FLVCR2: variants seen among roughly 807,000 people sequenced by gnomAD.
The protein encoded by FLVCR2 is FLVCR choline and putative heme transporter 2.
In FLVCR2, 38 loss-of-function variants were observed where a neutral mutation model predicts 48.9. That is an observed-to-expected ratio of 0.78 (90% confidence interval 0.60 to 1.02). The LOEUF is 1.02. Ranked by LOEUF, FLVCR2 falls within the 50% of genes least tolerant of loss-of-function variation. FLVCR2 has a pLI of 0.00. For synonymous variants in FLVCR2, 255 were observed against 257.0 expected (o/e 0.99, Z 0.07); for missense variants, 664 against 663.3 (o/e 1.00, Z -0.01).
chr14:75,582,110 T>A (rs528758500), intron 1 of FLVCR2, among the ~76,000 whole-genome samples: 2 of 152,274 alleles, frequency 1.3e-5, no homozygotes, highest in Non-Finnish European at 2.9e-5. Context: ...TTAGCTACCA[T>A]ATCAGCATAA....
chr14:75,586,224 G>A (rs921475233), intron 1 of FLVCR2, among the ~76,000 whole-genome samples: 5 of 152,170 alleles, frequency 3.3e-5, no homozygotes, highest in African/African-American at 9.7e-5. Flanking sequence ...GGGATAGGCG[G>A]TGGGTTAGGA....
chr14:75,601,525 TAA>T (rs1018375506), intron 1 of FLVCR2, among the ~76,000 whole-genome samples: 1 of 148,780 alleles, frequency 6.7e-6, no homozygotes, highest in African/African-American at 2.5e-5. Flanking sequence ...TGGCTATTAT[TAA>T]AAAAAAAAGT....
At chr14:75,605,825 G>A in intron 1 of FLVCR2, 1 of 585,812 alleles carries the variant, frequency 1.7e-6, no homozygotes, top group Non-Finnish European at 3.0e-6. Flanking sequence ...ACAGAAGCTG[G>A]AGCAAGGTTG....
At chr14:75,626,067 C>T (rs1889893607) in intron 3 of FLVCR2, among the ~76,000 whole-genome samples, 1 of 151,210 alleles carries the variant, frequency 6.6e-6, no homozygotes, top group South Asian at 2.1e-4. Flanking sequence ...TCTGGGCTTA[C>T]TGCAGCCTCT....
intron 1 of FLVCR2, among the ~76,000 whole-genome samples, chr14:75,601,590 T>C (rs1163482874): frequency 1.3e-5 from 2 of 152,048 alleles, no homozygotes; most frequent in Non-Finnish European, 2.9e-5. Context: ...GGTGGGAATG[T>C]AAAATGGTGC....
intron 2 of FLVCR2, among the ~76,000 whole-genome samples, chr14:75,623,202 G>A (rs1566792541): frequency 1.3e-5 from 2 of 152,078 alleles, no homozygotes; most frequent in South Asian, 4.2e-4. Context: ...GGCTGGTCTC[G>A]AGCTCCTGAC....
intron 1 of FLVCR2, among the ~76,000 whole-genome samples, chr14:75,608,005 G>A (rs972014896): frequency 1.3e-5 from 2 of 152,196 alleles, no homozygotes; most frequent in Non-Finnish European, 2.9e-5. Flanking sequence ...AGGAGTTTGA[G>A]GTTACAGTGA....
chr14:75,619,333 G>T (rs539676806), intron 1 of FLVCR2, among the ~76,000 whole-genome samples: 23 of 152,164 alleles, frequency 1.5e-4, no homozygotes, highest in African/African-American at 5.5e-4. Context: ...ATACACTAGG[G>T]TATCCTACCC....
chr14:75,588,115 G>A (rs1434622787), intron 1 of FLVCR2, among the ~76,000 whole-genome samples: 2 of 152,212 alleles, frequency 1.3e-5, no homozygotes, highest in African/African-American at 4.8e-5. Flanking sequence ...AAGAAAAGGT[G>A]AAATTATTTT....
chr14:75,605,109 T>A (rs1271111288), intron 1 of FLVCR2, among the ~76,000 whole-genome samples: 1 of 152,194 alleles, frequency 6.6e-6, no homozygotes, highest in Non-Finnish European at 1.5e-5. Context: ...TTGTTCTTGA[T>A]CTTTTTCCAA....
chr14:75,602,561 T>C (rs559124118), intron 1 of FLVCR2, among the ~76,000 whole-genome samples: 4 of 152,078 alleles, frequency 2.6e-5, no homozygotes, highest in East Asian at 3.9e-4. Context: ...CCAAGGATTT[T>C]TGTAGCTCTG....
chr14:75,622,260 A>G, intron 2 of FLVCR2, 40 bp downstream of exon 2: 1 of 1,601,928 alleles, frequency 6.2e-7, no homozygotes, highest in Non-Finnish European at 8.6e-7. Context: ...CAGGGGGCGA[A>G]GGGGCAGGGA....
Position 75,639,387 on chromosome 14 carries a change from T to C in FLVCR2, c.1160T>C (p.Val387Ala), listed in dbSNP as rs918705243. 6 of 1,613,928 alleles carry C rather than the reference T, an allele frequency of 3.7e-6. No homozygotes were observed. In the African/African-American group the frequency reaches 6.7e-5, roughly 18 times the overall value. The change falls in exon 6 of 10, where the codon GTG becomes GCG. Residue 387 changes from valine to alanine, a missense_variant. Physicochemically the swap from Val to Ala is moderately conservative, Grantham distance 64. Coordinates refer to ENST00000238667, the MANE Select transcript of FLVCR2 (RefSeq NM_017791.3). ...CTGGTAGTCTATATCATGACACTGG[T>C]GGGCATGGTGGTGTACACGTTTACC... ...TTLVVYIMTL[V>A]GMVVYTFTLN...
At chr14:75,582,662 G>A (rs1227445150) in intron 1 of FLVCR2, among the ~76,000 whole-genome samples, 1 of 152,198 alleles carries the variant, frequency 6.6e-6, no homozygotes, top group Non-Finnish European at 1.5e-5. Context: ...TACTTTGGCT[G>A]TGTGTTATGA....
intron 3 of FLVCR2, chr14:75,631,975 A>T: frequency 2.5e-6 from 1 of 405,466 alleles, no homozygotes; most frequent in Non-Finnish European, 5.0e-6. Context: ...TGTGCTGCTC[A>T]CTGTGTGCAC....
At chr14:75,618,885 G>GT (rs560405639) in intron 1 of FLVCR2, among the ~76,000 whole-genome samples, 14,871 of 134,506 alleles carry the variant, frequency 0.11, 818 homozygotes, top group Middle Eastern at 0.15. Context: ...GAGCAGCAGG[G>GT]TTTTTTTTTT....
intron 4 of FLVCR2, 34 bp from the exon 5 acceptor site, chr14:75,634,876 C>A (rs764387504): frequency 1.4e-6 from 2 of 1,466,348 alleles, no homozygotes; most frequent in Admixed American, 3.4e-5. Context: ...CTTGTCCCAT[C>A]GCCGGGTGAT....
At chr14:75,600,017 A>G (rs1889124701) in intron 1 of FLVCR2, among the ~76,000 whole-genome samples, 1 of 152,172 alleles carries the variant, frequency 6.6e-6, no homozygotes, top group South Asian at 2.1e-4. Flanking sequence ...CCAGGAGGTT[A>G]GGCATTCTAA....
chr14:75,641,287 C>G lies in FLVCR2; in HGVS notation c.1447C>G (p.Leu483Val). Residue 483 changes from leucine to valine, a missense_variant, in exon 8 of 10, where the codon CTC (leucine) becomes GTC (valine). By Grantham distance (32) the Leu-to-Val change is conservative. Transcript: ENST00000238667. ...LCVFLTLGAALTAFIKADLRR... is the reference protein window; with the variant it reads ...LCVFLTLGAAVTAFIKADLRR... ...TGTGTTCCTTACTCTTGGAGCAGCC[C>G]TCACTGGTGAGTTGGAGCCTGAGGG... 6.2e-7 allele frequency: 1 copy of G among 1,612,814 alleles called. No homozygotes were observed. Among genetic ancestry groups the G allele is most frequent in the Non-Finnish European group, 8.5e-7 (1 of 1,178,998 alleles).
Sources: allele counts gnomAD v4.1 joint callset (sites outside exome capture counted in the v4.1 genomes callset), GRCh38; gene constraint gnomAD v4.1.1; transcripts MANE v1.5; gene names NCBI Gene and HGNC (gene_info 2026-07-23, HGNC 2026-07-21).